CNBD1: variants seen among roughly 807,000 people sequenced by gnomAD.
CNBD1 encodes cyclic nucleotide binding domain containing 1.
In CNBD1, 71 loss-of-function variants were observed where a neutral mutation model predicts 54.4. The observed-to-expected ratio is 1.30, with a 90% CI of 1.08 to 1.59. The LOEUF is 1.59. Among genes scored for constraint, CNBD1 ranks in the 40% most tolerant of loss-of-function variants. The pLI is 0.00. For synonymous variants in CNBD1, 182 were observed against 170.7 expected (o/e 1.07, Z -0.51); for missense variants, 659 against 518.0 (o/e 1.27, Z -2.64).
At position 87,048,487 on chromosome 8, in the gene CNBD1, T is replaced by C. The variant is rs550507446; in HGVS notation, c.431+108733T>C. ...ATGACATCATTTGTTTTTTCTATTT[T>C]TCATAAAGACTGTGGTCTCGAGGCA... On this transcript the variant is annotated intron_variant, in intron 4 of 10. Transcript: ENST00000518476. Among the ~76,000 whole-genome samples the C allele has an allele frequency of 8.5e-5, 13 of 152,270 alleles. No individual in the cohort carries two copies. In the East Asian group the frequency reaches 2.5e-3, roughly 29 times the overall value.
At chr8:87,283,172 T>C (rs1808629100) in intron 6 of CNBD1, among the ~76,000 whole-genome samples, 1 of 152,138 alleles carries the variant, frequency 6.6e-6, no homozygotes, top group Non-Finnish European at 1.5e-5. Context: ...ATGAATTCTT[T>C]TTAAAATTAT....
At chr8:87,198,614 A>C (rs1259926924) in intron 4 of CNBD1, among the ~76,000 whole-genome samples, 2 of 152,230 alleles carry the variant, frequency 1.3e-5, no homozygotes, top group Admixed American at 6.5e-5. Flanking sequence ...AAAGAGTTCA[A>C]GAAAAGCATG....
In CNBD1 at chr8:87,142,556, AATAAAAC is replaced by A. The variant is rs1812391734; in HGVS notation, c.432-63423_432-63417del. 2.0e-5 allele frequency among the ~76,000 whole-genome samples: 3 copies of A among 152,296 alleles called. No homozygotes were observed. In the South Asian group the frequency reaches 6.2e-4, roughly 32 times the overall value. ...TCATAAGGTTATGAGAATGTTTAGA[AATAAAAC>A]ATAAAACATAAAAATTACATTAAAT... On this transcript the variant is annotated intron_variant, in intron 4 of 10. Coordinates refer to ENST00000518476, the MANE Select transcript of CNBD1 (RefSeq NM_173538.3).
chr8:87,067,509 T>G (rs1374084129), intron 4 of CNBD1, among the ~76,000 whole-genome samples: 1 of 152,012 alleles, frequency 6.6e-6, no homozygotes, highest in Non-Finnish European at 1.5e-5. Context: ...TGAGATACAG[T>G]GTTTCTATAC....
At chr8:87,245,064 C>T (rs1228604591) in intron 6 of CNBD1, among the ~76,000 whole-genome samples, 2 of 152,010 alleles carry the variant, frequency 1.3e-5, no homozygotes, top group Non-Finnish European at 2.9e-5. Context: ...TGGAACTTAA[C>T]ATCTAATTGT....
intron 4 of CNBD1, among the ~76,000 whole-genome samples, chr8:87,044,139 A>G (rs2130613850): frequency 6.6e-6 from 1 of 152,224 alleles, no homozygotes; most frequent in African/African-American, 2.4e-5. Context: ...GGTTTTCTAC[A>G]GAAGCATATT....
intron 4 of CNBD1, among the ~76,000 whole-genome samples, chr8:87,032,604 G>A (rs1012940394): frequency 2.6e-5 from 4 of 152,130 alleles, no homozygotes; most frequent in African/African-American, 9.7e-5. Flanking sequence ...GGATGTGGAA[G>A]GGGAGGCAGA....
intron 6 of CNBD1, among the ~76,000 whole-genome samples, chr8:87,261,705 G>C (rs982016415): frequency 1.3e-5 from 2 of 152,100 alleles, no homozygotes; most frequent in African/African-American, 4.8e-5. Context: ...TATTGTTACA[G>C]GTGCCTACTT....
At chr8:87,253,665 A>T (rs1807953833) in intron 6 of CNBD1, among the ~76,000 whole-genome samples, 1 of 152,162 alleles carries the variant, frequency 6.6e-6, no homozygotes, top group Non-Finnish European at 1.5e-5. Flanking sequence ...GAAGGTTAAT[A>T]TTGTGGCCGA....
intron 2 of CNBD1, among the ~76,000 whole-genome samples, chr8:87,421,593 A>C (rs1024054715): frequency 2.6e-5 from 4 of 151,958 alleles, no homozygotes; most frequent in African/African-American, 9.7e-5. Flanking sequence ...TGTCCCTACA[A>C]AGGACATGAA....
At chr8:87,305,703 T>G (rs141067962) in intron 8 of CNBD1, among the ~76,000 whole-genome samples, 1 of 151,968 alleles carries the variant, frequency 6.6e-6, no homozygotes, top group Admixed American at 6.6e-5. Flanking sequence ...GCAAGCCACA[T>G]GTAGGAGAAT....
intron 8 of CNBD1, among the ~76,000 whole-genome samples, chr8:87,335,519 G>A (rs1048640743): frequency 2.0e-5 from 3 of 151,866 alleles, no homozygotes; most frequent in Non-Finnish European, 2.9e-5. Flanking sequence ...AGAGACTAGG[G>A]TTTCCACCTT....
chr8:87,081,325 T>G (rs1434875166), intron 4 of CNBD1, among the ~76,000 whole-genome samples: 2 of 152,132 alleles, frequency 1.3e-5, no homozygotes, highest in East Asian at 3.9e-4. Flanking sequence ...CTTTCTGGTG[T>G]GTATTTCTAG....
At chr8:86,997,133 G>A (rs1714531539) in intron 4 of CNBD1, among the ~76,000 whole-genome samples, 1 of 152,112 alleles carries the variant, frequency 6.6e-6, no homozygotes, top group Non-Finnish European at 1.5e-5. Context: ...ACTTGTTCTA[G>A]GACCCTAAGT....
chr8:87,362,293 A>G (rs1810537999), intron 10 of CNBD1, among the ~76,000 whole-genome samples: 1 of 152,076 alleles, frequency 6.6e-6, no homozygotes, highest in Non-Finnish European at 1.5e-5. Flanking sequence ...ATTGCCAAGA[A>G]TGCTTGAATG....
intron 8 of CNBD1, among the ~76,000 whole-genome samples, chr8:87,304,716 T>C (rs978877521): frequency 2.6e-5 from 4 of 152,098 alleles, no homozygotes; most frequent in Non-Finnish European, 5.9e-5. Flanking sequence ...CAGCATTACT[T>C]TATTATTAAA....
chr8:87,385,966 C>T (rs190559006), downstream of CNBD1, among the ~76,000 whole-genome samples: 409 of 152,218 alleles, frequency 2.7e-3, 1 homozygote, highest in African/African-American at 5.3e-3. Context: ...CACCAATATC[C>T]GCTGTTCTGC....
At chr8:87,137,877 A>G (rs548205042) in intron 4 of CNBD1, among the ~76,000 whole-genome samples, 2 of 152,300 alleles carry the variant, frequency 1.3e-5, no homozygotes, top group South Asian at 2.1e-4. Flanking sequence ...TGTGTCTTCC[A>G]TGAGGTAGTG....
chr8:87,263,796 G>C lies in CNBD1; in HGVS notation c.772-20882G>C, dbSNP rs183982389. On this transcript the variant is annotated intron_variant, in intron 6 of 10. Transcript: ENST00000518476. ...CAAGCCTGGAAATGGAATTTCCAAG[G>C]CCAAAGAAAATTAAATGTAAAACAT... Among the ~76,000 whole-genome samples the C allele has an allele frequency of 4.5e-3, 686 of 151,892 alleles. 3 individuals are homozygous for C. The highest frequency in any genetic ancestry group is 0.011 in the South Asian group (53 of 4,808).
Sources: gnomAD v4.1 joint callset for allele counts (sites outside exome capture counted in the v4.1 genomes callset) on GRCh38, gnomAD v4.1.1 for gene constraint, MANE v1.5 for transcripts, NCBI Gene and HGNC (gene_info 2026-07-23, HGNC 2026-07-21) for gene names.